The following CACNA1B variants were observed in gnomAD, a reference collection of about 807,000 sequenced individuals.
CACNA1B encodes the protein calcium voltage-gated channel subunit alpha1 B.
In CACNA1B, 70 loss-of-function variants were observed where a neutral mutation model predicts 247.2. That is an observed-to-expected ratio of 0.28 (90% CI 0.23 to 0.35). The LOEUF (loss-of-function observed/expected upper bound fraction) is 0.35. Ranked by LOEUF, CACNA1B falls within the 10% of genes least tolerant of loss-of-function variation. The pLI, the probability that CACNA1B is intolerant of heterozygous loss-of-function variation, is 1.00. For synonymous variants in CACNA1B, 1,231 were observed against 1,294.4 expected (o/e 0.95, Z 1.05); for missense variants, 2,367 against 3,197.4 (o/e 0.74, Z 6.26).
chr9:137,940,298 C>T (rs1957718941), intron 6 of CACNA1B, among the ~76,000 whole-genome samples: 1 of 152,006 alleles, frequency 6.6e-6, no homozygotes, highest in African/African-American at 2.4e-5. Flanking sequence ...ACACCTTTAC[C>T]CATGTAAACT....
intron 44 of CACNA1B, among the ~76,000 whole-genome samples, chr9:138,119,678 C>T (rs541014233): frequency 3.3e-5 from 5 of 152,122 alleles, no homozygotes; most frequent in Admixed American, 6.5e-5. Context: ...TGGGTGCTGC[C>T]TGGTGGGTGG....
intron 15 of CACNA1B, among the ~76,000 whole-genome samples, chr9:137,988,941 G>T (rs748507267): frequency 6.6e-6 from 1 of 152,210 alleles, no homozygotes; most frequent in Non-Finnish European, 1.5e-5. Context: ...GGGAGCCCCT[G>T]CTTCTGAATG....
intron 21 of CACNA1B, 85 bp downstream of exon 21, chr9:138,043,985 T>C: frequency 6.6e-7 from 1 of 1,503,840 alleles, no homozygotes; most frequent in Non-Finnish European, 9.0e-7. Context: ...CAGCGTGCAC[T>C]GATTCTGCGC....
chr9:138,100,817 T>C lies in CACNA1B; in HGVS notation c.5223-1894T>C, dbSNP rs2131347666. ...GACCTGGGAGGCCCAGGGAGCATCG[T>C]CACTCAGGGAGTGAGAGGAAGAGCT... On this transcript the variant is annotated intron_variant, in intron 37 of 46. Coordinates refer to ENST00000371372, the MANE Select transcript of CACNA1B (RefSeq NM_000718.4). The surrounding 1 kb of genome is among the most constrained non-coding windows in gnomAD (Gnocchi z 4.6). Among the ~76,000 whole-genome samples, 1 of 152,106 alleles carries C rather than the reference T, an allele frequency of 6.6e-6. No homozygotes were observed. The highest frequency in any genetic ancestry group is 1.9e-4 in the East Asian group (1 of 5,152).
rs556893066 is a variant in CACNA1B at position 138,036,815 on chromosome 9, T to G, written c.3287-6959T>G. Among the ~76,000 whole-genome samples the G allele has an allele frequency of 3.3e-5, 5 of 152,352 alleles. No homozygotes were observed. The East Asian group carries it at 7.7e-4, about 23-fold the overall frequency. ...ACTTACGCTTCTTCTTGCTTTCTTG[T>G]GTATCATTTTAGGTGTAATACGCCA... On this transcript the variant is annotated intron_variant, in intron 20 of 46. Coordinates refer to ENST00000371372, the MANE Select transcript of CACNA1B (RefSeq NM_000718.4).
chr9:137,971,547 G>T lies in CACNA1B; in HGVS notation c.1498G>T (p.Ala500Ser), dbSNP rs780468318. The T allele has an allele frequency of 3.7e-6, 6 of 1,613,738 alleles. No individual in the cohort carries two copies. The change falls in exon 11 of 47, where the codon GCC (alanine) becomes TCC (serine). Residue 500 changes from alanine (A) to serine (S), a missense_variant. Physicochemically the swap from Ala to Ser is moderately conservative, Grantham distance 99. Around this residue, in one of 12 missense-constraint regions of CACNA1B, gnomAD observed 219 missense variants for 297.6 expected, o/e 0.74. Coordinates refer to ENST00000371372, the MANE Select transcript of CACNA1B (RefSeq NM_000718.4). The surrounding 1 kb of genome is among the most constrained non-coding windows in gnomAD (Gnocchi z 4.4). ...GGTGGCCCTGAACACACTGTGTGTG[G>T]CCATGGTGCATTACAACCAGCCGCG... Reference protein sequence around the residue: ...CVVALNTLCVAMVHYNQPRRL... With the variant: ...CVVALNTLCVSMVHYNQPRRL...
In CACNA1B at chr9:137,986,793, A is replaced by G; in HGVS notation, c.1913A>G (p.Gln638Arg). The part of the protein sequence containing the change: ...MQLFGGQFNF[Q>R]DETPTTNFDT... ...CCTGTTTTCCTCAGGTTCAACTTCC[A>G]GGATGAGACTCCCACAACCAACTTC... is the stretch of plus-strand genomic sequence containing the variant. The change falls in exon 15 of 47, where the codon CAG (glutamine) becomes CGG (arginine). Residue 638 changes from glutamine (Q) to arginine (R), a missense_variant. Physicochemically the swap from Gln to Arg is conservative, Grantham distance 43. This residue lies in a region of CACNA1B where 76 missense variants were observed against 191.0 expected (regional missense o/e 0.40). Transcript: ENST00000371372. This position sits in a 1 kb window ranked among gnomAD's most constrained non-coding sequence, Gnocchi z 6.0. The G allele has an allele frequency of 1.2e-6, 2 of 1,613,672 alleles. No homozygotes were observed. Among genetic ancestry groups the G allele is most frequent in the Middle Eastern group, 1.7e-4 (1 of 6,060 alleles).
chr9:138,053,377 A>C (rs1357678767), intron 25 of CACNA1B, among the ~76,000 whole-genome samples: 1 of 152,164 alleles, frequency 6.6e-6, no homozygotes, highest in African/African-American at 2.4e-5. Context: ...TTGTGTGTCA[A>C]GGAAGCTGGC....
Position 138,011,064 on chromosome 9 carries a change from C to G in CACNA1B, c.2160+987C>G, listed in dbSNP as rs1287588793. ...GCTCAGCCTTCTTACTCCCACGCCT[C>G]CAGACCTGGGCCATGGCCATGCCTA... On this transcript the variant is annotated intron_variant, in intron 17 of 46. Coordinates refer to ENST00000371372, the MANE Select transcript of CACNA1B (RefSeq NM_000718.4). The surrounding 1 kb of genome is among the most constrained non-coding windows in gnomAD (Gnocchi z 4.2). Among the ~76,000 whole-genome samples, 1 of 152,216 alleles carries G rather than the reference C, an allele frequency of 6.6e-6. No individual in the cohort carries two copies. The highest frequency in any genetic ancestry group is 1.5e-5 in the Non-Finnish European group (1 of 68,028).
At chr9:138,024,120 G>A (rs1430539723) in intron 19 of CACNA1B, among the ~76,000 whole-genome samples, 1 of 152,242 alleles carries the variant, frequency 6.6e-6, no homozygotes, top group Non-Finnish European at 1.5e-5. Context: ...GAATTGTTGC[G>A]ACTGGCTTGG....
rs1315487742 is a variant in CACNA1B, at chr9:138,025,213, T to C, written c.3286+41T>C. On this transcript the variant is annotated intron_variant, in intron 20 of 46. Coordinates refer to ENST00000371372, the MANE Select transcript of CACNA1B (RefSeq NM_000718.4). ...TGCCAGTGGGGCAGGGCCCATCTTG[T>C]GCAGGTCCAGCAACCCCCATTCCCT... The C allele has an allele frequency of 7.8e-6, 11 of 1,418,940 alleles. No homozygotes were observed. In the South Asian group the frequency reaches 1.4e-4, roughly 17 times the overall value. The allele number at this position is 1,418,940 out of a possible 1,614,324, so 87.9% of individuals were successfully genotyped here.
intron 20 of CACNA1B, among the ~76,000 whole-genome samples, chr9:138,041,487 ATAGCCTTTCTCC>A (rs66700106): frequency 0.36 from 55,113 of 151,960 alleles, 14,329 homozygotes; most frequent in African/African-American, 0.72. Context: ...CTTTTTAAAA[ATAGCCTTTCTCC>A]TAGCCTTTCT....
chr9:138,068,800 C>T (rs1358272526), intron 31 of CACNA1B, among the ~76,000 whole-genome samples: 1 of 152,170 alleles, frequency 6.6e-6, no homozygotes, highest in Non-Finnish European at 1.5e-5. Flanking sequence ...CAGAGAGCCC[C>T]AGTGCCCAGC....
intron 21 of CACNA1B, among the ~76,000 whole-genome samples, chr9:138,044,131 C>T (rs528597872): frequency 2.6e-5 from 4 of 152,352 alleles, no homozygotes; most frequent in South Asian, 2.1e-4. Flanking sequence ...GGCCTGGGCT[C>T]CTCACCTCCT....
In CACNA1B at chr9:137,973,056, C is replaced by T. The variant is rs747796873; in HGVS notation, c.1543+1464C>T. On this transcript the variant is annotated intron_variant, in intron 11 of 46. Coordinates refer to ENST00000371372, the MANE Select transcript of CACNA1B (RefSeq NM_000718.4). This position sits in a 1 kb window ranked among gnomAD's most constrained non-coding sequence, Gnocchi z 4.1. ...TGACCCAGTGACTAGGCCTGTTCTT[C>T]CCCGTGAGAGGCTGTTGGTGTGCAG... is the stretch of plus-strand genomic sequence containing the variant. 1.4e-4 allele frequency among the ~76,000 whole-genome samples: 22 copies of T among 152,192 alleles called. No individual in the cohort carries two copies. Among genetic ancestry groups the T allele is most frequent in the Admixed American group, 2.6e-4 (4 of 15,290 alleles).
chr9:138,107,439 C>T (rs978382777), intron 39 of CACNA1B, among the ~76,000 whole-genome samples: 3 of 151,898 alleles, frequency 2.0e-5, no homozygotes, highest in Admixed American at 6.6e-5. Context: ...GATGGGGGTT[C>T]GCTGTGTTGC....
chr9:137,996,134 T>G (rs1958497881), intron 15 of CACNA1B, among the ~76,000 whole-genome samples: 1 of 152,222 alleles, frequency 6.6e-6, no homozygotes, highest in Admixed American at 6.5e-5. Context: ...CTACCACCAT[T>G]TGATCAGCAA....
At chr9:137,878,999 C>A in intron 1 of CACNA1B, 55 bp from the exon 2 acceptor site, 3 of 1,160,168 alleles carry the variant, frequency 2.6e-6, no homozygotes, top group South Asian at 2.7e-5. Flanking sequence ...CTGCTGGCGT[C>A]GGCCTCGTGT....
At chr9:138,117,393 C>G (rs966026861) in intron 42 of CACNA1B, among the ~76,000 whole-genome samples, 1 of 152,148 alleles carries the variant, frequency 6.6e-6, no homozygotes, top group South Asian at 2.1e-4. Flanking sequence ...CCCTACCCCC[C>G]GTCCCAGCCC....
Sources: allele counts gnomAD v4.1 joint callset (sites outside exome capture counted in the v4.1 genomes callset), GRCh38; gene constraint gnomAD v4.1.1; regional missense constraint gnomAD v4.1.1; non-coding constraint Gnocchi (gnomAD v3.1); transcripts MANE v1.5; gene names NCBI Gene and HGNC (gene_info 2026-07-23, HGNC 2026-07-21).